The following CSMD1 variants were observed in gnomAD, a reference collection of about 807,000 sequenced individuals.
The protein encoded by CSMD1 is CUB and sushi domain-containing protein 1.
Under a neutral mutation model 417.5 loss-of-function variants are expected in CSMD1, and 213 were observed. The ratio of observed to expected loss-of-function variants is 0.51; its 90% CI spans 0.46 to 0.57. The LOEUF is 0.57. Among genes scored for constraint, CSMD1 ranks in the 20% least tolerant of loss-of-function variants. The pLI is 0.00. For missense variants in CSMD1, 6,923 were observed against 4,529.7 expected (o/e 1.53, Z -15.17); for synonymous variants, 2,862 against 1,736.8 (o/e 1.65, Z -16.11).
chr8:4,584,748 C>T (rs755932054), intron 2 of CSMD1, among the ~76,000 whole-genome samples: 20 of 152,096 alleles, frequency 1.3e-4, no homozygotes, highest in Non-Finnish European at 2.5e-4. Flanking sequence ...GTCCTAATGC[C>T]GGCCAGACAA....
At chr8:3,522,456 G>C (rs1277073997) in intron 10 of CSMD1, among the ~76,000 whole-genome samples, 1 of 152,192 alleles carries the variant, frequency 6.6e-6, no homozygotes, top group Non-Finnish European at 1.5e-5. Context: ...CAAAGAGACA[G>C]CTGCATTTAC....
chr8:4,686,351 C>G (rs1288914059), intron 1 of CSMD1, among the ~76,000 whole-genome samples: 8 of 152,180 alleles, frequency 5.3e-5, no homozygotes, highest in Admixed American at 4.6e-4. Context: ...CACCCTAACC[C>G]TAAATATGGC....
At chr8:3,114,259 G>C (rs2129017372) in intron 42 of CSMD1, among the ~76,000 whole-genome samples, 2 of 151,982 alleles carry the variant, frequency 1.3e-5, no homozygotes, top group Admixed American at 1.3e-4. Context: ...AATAAATAAA[G>C]TGAAAACAAA....
intron 1 of CSMD1, among the ~76,000 whole-genome samples, chr8:4,800,891 C>T (rs1326710861): frequency 2.0e-5 from 3 of 152,198 alleles, no homozygotes; most frequent in Non-Finnish European, 2.9e-5. Context: ...ATGGAACTTA[C>T]GTCTTGTACT....
intron 2 of CSMD1, among the ~76,000 whole-genome samples, chr8:4,493,369 G>C (rs1030544352): frequency 1.1e-4 from 17 of 152,132 alleles, no homozygotes; most frequent in African/African-American, 3.4e-4. Context: ...TTGTTAGTTT[G>C]GTAAAGGATT....
At chr8:3,275,459 A>T (rs1362331876) in intron 26 of CSMD1, among the ~76,000 whole-genome samples, 1 of 152,054 alleles carries the variant, frequency 6.6e-6, no homozygotes, top group African/African-American at 2.4e-5. Context: ...GTATTTCCTG[A>T]ATGTGAATGT....
At chr8:4,300,565 G>C (rs974249842) in intron 3 of CSMD1, among the ~76,000 whole-genome samples, 5 of 152,160 alleles carry the variant, frequency 3.3e-5, no homozygotes, top group African/African-American at 4.8e-5. Flanking sequence ...TTAAGTTTTA[G>C]GGTACATGTG....
At position 3,436,162 on chromosome 8, in the gene CSMD1, C is replaced by T. The variant is rs186637616; in HGVS notation, c.1562-26557G>A. Among the ~76,000 whole-genome samples, 288 of 152,170 alleles carry T rather than the reference C, an allele frequency of 1.9e-3. 1 individual carries two copies. Among genetic ancestry groups the T allele is most frequent in the Admixed American group, 6.0e-3 (92 of 15,274 alleles). On this transcript the variant is annotated intron_variant, in intron 12 of 69. Transcript: ENST00000635120. ...TTTTTCTTTATTGAATTTATTACCA[C>T]CTGGGAGAACATCAAGGCTAAGATA... is the stretch of plus-strand genomic sequence containing the variant.
intron 10 of CSMD1, among the ~76,000 whole-genome samples, chr8:3,566,556 G>C (rs968467242): frequency 6.7e-6 from 1 of 149,850 alleles, no homozygotes; most frequent in African/African-American, 2.5e-5. Context: ...TAGAGGATGT[G>C]AAGGTTTATT....
At chr8:4,221,343 A>C (rs944310847) in intron 3 of CSMD1, among the ~76,000 whole-genome samples, 2 of 151,466 alleles carry the variant, frequency 1.3e-5, no homozygotes, top group Non-Finnish European at 2.9e-5. Context: ...AATGTTTCAA[A>C]GGCACAAAGA....
At chr8:3,272,931 C>G (rs1416553458) in intron 26 of CSMD1, among the ~76,000 whole-genome samples, 2 of 149,202 alleles carry the variant, frequency 1.3e-5, no homozygotes, top group East Asian at 2.0e-4. Context: ...ATTTCCTTCT[C>G]CTGCCTAATT....
chr8:3,023,628 T>G (rs1809619615), intron 51 of CSMD1, among the ~76,000 whole-genome samples: 1 of 151,952 alleles, frequency 6.6e-6, no homozygotes, highest in Admixed American at 6.6e-5. Flanking sequence ...TAGCCTGGAG[T>G]TAGAACAGCA....
At chr8:3,963,258 A>G (rs971063034) in intron 5 of CSMD1, among the ~76,000 whole-genome samples, 1 of 152,166 alleles carries the variant, frequency 6.6e-6, no homozygotes, top group Non-Finnish European at 1.5e-5. Flanking sequence ...TGTAATTGTA[A>G]TAATTACGAG....
chr8:3,606,048 T>C (rs190007349), intron 8 of CSMD1, among the ~76,000 whole-genome samples: 1 of 152,156 alleles, frequency 6.6e-6, no homozygotes, highest in Non-Finnish European at 1.5e-5. Flanking sequence ...ATGATTGTAA[T>C]GAGATGATAG....
chr8:4,323,459 C>G (rs903157106), intron 3 of CSMD1, among the ~76,000 whole-genome samples: 1 of 149,666 alleles, frequency 6.7e-6, no homozygotes, highest in Non-Finnish European at 1.5e-5. Flanking sequence ...CCATTCACAA[C>G]AAACCATACA....
intron 3 of CSMD1, among the ~76,000 whole-genome samples, chr8:4,358,315 C>T (rs1193790997): frequency 6.6e-6 from 1 of 152,206 alleles, no homozygotes; most frequent in Non-Finnish European, 1.5e-5. Flanking sequence ...TGCCATCTGA[C>T]AGCTGCCTAG....
intron 1 of CSMD1, among the ~76,000 whole-genome samples, chr8:4,680,971 TGTGTGAGAGA>T (rs1203416174): frequency 8.2e-6 from 1 of 122,208 alleles, no homozygotes; most frequent in African/African-American, 3.3e-5. Context: ...TGTGTGTGTG[TGTGTGAGAGA>T]GAGAGAGAGA....
At chr8:4,127,345 C>T (rs181994202) in intron 3 of CSMD1, among the ~76,000 whole-genome samples, 1 of 151,468 alleles carries the variant, frequency 6.6e-6, no homozygotes, top group African/African-American at 2.4e-5. Context: ...ACAAGCCTCT[C>T]CCTTCCTTCT....
At chr8:3,489,434 C>A (rs1017577118) in intron 11 of CSMD1, among the ~76,000 whole-genome samples, 4 of 152,148 alleles carry the variant, frequency 2.6e-5, no homozygotes. Context: ...CCCCTGGTTA[C>A]CAATGGCTAA....
Sources: allele counts gnomAD v4.1 joint callset (sites outside exome capture counted in the v4.1 genomes callset), GRCh38; gene constraint gnomAD v4.1.1; transcripts MANE v1.5; gene names NCBI Gene and HGNC (gene_info 2026-07-23, HGNC 2026-07-21).